Variants in TNRC18 observed in about 807,000 individuals in gnomAD.
TNRC18 encodes the protein trinucleotide repeat-containing gene 18 protein.
A neutral mutation model predicts 226.7 loss-of-function variants in TNRC18; 69 were observed. The ratio of observed to expected loss-of-function variants is 0.30; its 90% CI spans 0.25 to 0.37. The LOEUF (loss-of-function observed/expected upper bound fraction) is 0.37, where lower values mean the gene tolerates loss of function less well. Among genes scored for constraint, TNRC18 ranks in the 10% least tolerant of loss-of-function variants. The pLI is 1.00. For synonymous variants in TNRC18, 2,449 were observed against 1,927.6 expected, an observed-to-expected ratio of 1.27 and a Z score of -7.09; for missense variants, 4,754 against 4,256.6, an observed-to-expected ratio of 1.12 and a Z score of -3.25.
chr7:5,378,640 G>C (rs1045260612), intron 5 of TNRC18, among the ~76,000 whole-genome samples: 3 of 151,690 alleles, frequency 2.0e-5, no homozygotes, highest in East Asian at 2.0e-4. Flanking sequence ...GGATGGTCTC[G>C]ATCTCCTGAC....
chr7:5,331,883 C>A (rs1789559794), intron 19 of TNRC18, among the ~76,000 whole-genome samples: 1 of 152,134 alleles, frequency 6.6e-6, no homozygotes, highest in African/African-American at 2.4e-5. Flanking sequence ...GCACTCCAGC[C>A]TGGGTGACAG....
At chr7:5,398,394 T>C (rs1014440402) in intron 2 of TNRC18, among the ~76,000 whole-genome samples, 1 of 152,144 alleles carries the variant, frequency 6.6e-6, no homozygotes, top group Non-Finnish European at 1.5e-5. Flanking sequence ...GGTCTCGAAC[T>C]CCCAACCTCA....
rs1348072817 is a variant in TNRC18 at position 5,387,946 on chromosome 7, G to T, written c.1878C>A (p.Thr626=). ...LGTMKPEPAP[T]SAGASRAQAR... Reference sequence around the variant, plus strand: ...CCTGGGCTCGGGAGGCACCCGCAGAGGTGGGCGCAGGCTCGGGTTTCATGG... The same window carrying T: ...CCTGGGCTCGGGAGGCACCCGCAGATGTGGGCGCAGGCTCGGGTTTCATGG... Residue 626 remains threonine, a synonymous_variant, in exon 5 of 30, where the codon ACC becomes ACA. Coordinates refer to ENST00000430969, the MANE Select transcript of TNRC18 (RefSeq NM_001080495.3). The T allele has an allele frequency of 1.3e-6, 2 of 1,598,260 alleles. No individual in the cohort carries two copies. The highest frequency in any genetic ancestry group is 3.5e-5 in the Admixed American group (2 of 57,796).
In TNRC18 at chr7:5,313,818, G is replaced by A; in HGVS notation, c.7073C>T (p.Pro2358Leu). The A allele has an allele frequency of 1.3e-6, 2 of 1,512,948 alleles. No individual in the cohort carries two copies. The highest frequency in any genetic ancestry group is 1.3e-5 in the South Asian group (1 of 75,190). 93.7% of individuals were successfully genotyped at this position (1,512,948 alleles called of 1,614,324 possible). Residue 2358 changes from proline (P) to leucine (L), a missense_variant, in exon 27 of 30, where the codon CCC becomes CTC. By Grantham distance (98) the Pro-to-Leu change is moderately conservative (BLOSUM62 -3). Coordinates refer to ENST00000430969, the MANE Select transcript of TNRC18 (RefSeq NM_001080495.3). ...LEEGNPTDEV[P>L]STPLALEPSS... ...CGGCTCCAGGGCTAAGGGGGTACTG[G>A]GGACCTCGTCTGTTGGGTTCCCCTC...
At position 5,371,080 on chromosome 7, in the gene TNRC18, G is replaced by A. The variant is rs756920197; in HGVS notation, c.3514C>T (p.Leu1172=). 2.5e-6 allele frequency: 4 copies of A among 1,611,794 alleles called. No individual in the cohort carries two copies. In the Admixed American group the frequency reaches 5.0e-5, roughly 20 times the overall value. The part of the protein sequence containing the change: ...VEDMDEGPTE[L]PPLESPLPLP... ...GGCAGCGGCGACTCCAGAGGCGGCAGCTCTGTGGGGCCCTCGTCCATGTCC... is the reference window on the plus strand; with the variant it reads ...GGCAGCGGCGACTCCAGAGGCGGCAACTCTGTGGGGCCCTCGTCCATGTCC... Residue 1172 remains leucine, a synonymous_variant, in exon 11 of 30, where the codon CTG becomes TTG. Transcript: ENST00000430969.
In TNRC18 at chr7:5,389,104, G is replaced by A. The variant is rs1215787075; in HGVS notation, c.720C>T (p.Asp240=). ...EEASGPRGVV[D]LTQEARAEGR... Reference sequence around the variant, plus strand: ...CCTCGGCGCGCGCCTCCTGGGTCAGGTCCACCACGCCCCGTGGCCCCGAGG... The same window carrying A: ...CCTCGGCGCGCGCCTCCTGGGTCAGATCCACCACGCCCCGTGGCCCCGAGG... Residue 240 remains aspartate, a synonymous_variant, in exon 5 of 30, where the codon GAC becomes GAT. Coordinates refer to ENST00000430969, the MANE Select transcript of TNRC18 (RefSeq NM_001080495.3). The A allele has an allele frequency of 1.5e-6, 2 of 1,311,796 alleles. No individual in the cohort carries two copies. The highest frequency in any genetic ancestry group is 7.5e-5 in the East Asian group (2 of 26,814). 81.3% of individuals were successfully genotyped at this position (1,311,796 alleles called of 1,614,324 possible).
chr7:5,319,583 A>T (rs1428644554), intron 24 of TNRC18, among the ~76,000 whole-genome samples: 1 of 152,078 alleles, frequency 6.6e-6, no homozygotes, highest in African/African-American at 2.4e-5. Context: ...ATCCTGGCTC[A>T]CTGCAACCTC....
chr7:5,308,837 T>TTGC, intron 29 of TNRC18, 38 bp downstream of exon 29: 2 of 834,152 alleles, frequency 2.4e-6, no homozygotes, highest in African/African-American at 1.7e-5. Flanking sequence ...GAAGCAGCCA[T>TTGC]CCCCAACCCG....
At chr7:5,353,518 C>G (rs78536615) in intron 16 of TNRC18, among the ~76,000 whole-genome samples, 23,688 of 147,960 alleles carry the variant, frequency 0.16, 2,080 homozygotes, top group African/African-American at 0.21. Context: ...CGAGATCACA[C>G]CACTGCACTC....
At chr7:5,421,037 C>T in intron 2 of TNRC18, 23 bp downstream of exon 2, 1 of 1,532,912 alleles carries the variant, frequency 6.5e-7, no homozygotes, top group South Asian at 1.2e-5. Flanking sequence ...CAGGAGGGGA[C>T]GGGCACGGCG....
chr7:5,340,592 A>T (rs966192614), intron 18 of TNRC18, among the ~76,000 whole-genome samples: 2 of 151,896 alleles, frequency 1.3e-5, no homozygotes, highest in Non-Finnish European at 2.9e-5. Flanking sequence ...AAAACACAAA[A>T]ATTAGCCAGG....
intron 16 of TNRC18, 41 bp downstream of exon 16, chr7:5,356,875 A>G: frequency 6.7e-7 from 1 of 1,481,744 alleles, no homozygotes; most frequent in Non-Finnish European, 9.0e-7. Context: ...AGAAAAGGAG[A>G]GAAGCAGCGG....
chr7:5,338,057 T>C (rs935038420), intron 18 of TNRC18, among the ~76,000 whole-genome samples: 2 of 152,174 alleles, frequency 1.3e-5, no homozygotes, highest in African/African-American at 4.8e-5. Context: ...AAGTATTACA[T>C]ATAATATAAA....
intron 17 of TNRC18, among the ~76,000 whole-genome samples, chr7:5,348,777 G>GGGCA (rs1242720685): frequency 1.3e-5 from 2 of 152,134 alleles, no homozygotes; most frequent in East Asian, 1.9e-4. Context: ...AGGCAGGCGG[G>GGGCA]GGCAGGCAGG....
At chr7:5,349,680 C>A (rs1044795228) in intron 17 of TNRC18, among the ~76,000 whole-genome samples, 1 of 152,218 alleles carries the variant, frequency 6.6e-6, no homozygotes, top group African/African-American at 2.4e-5. Context: ...CGCTTTGCGT[C>A]CAGAGTGCAG....
intron 4 of TNRC18, chr7:5,389,689 A>C (rs1467557236): frequency 6.1e-6 from 1 of 163,790 alleles, no homozygotes; most frequent in African/African-American, 2.4e-5. Context: ...TCTTGACCTC[A>C]GGTGATCCAC....
At chr7:5,352,357 G>A (rs1314120385) in intron 16 of TNRC18, among the ~76,000 whole-genome samples, 4 of 151,264 alleles carry the variant, frequency 2.6e-5, no homozygotes, top group African/African-American at 9.8e-5. Flanking sequence ...ACTGGATGCT[G>A]CCAGCCTCAC....
intron 2 of TNRC18, among the ~76,000 whole-genome samples, chr7:5,415,605 T>C (rs1400071725): frequency 6.6e-6 from 1 of 150,546 alleles, no homozygotes; most frequent in African/African-American, 2.4e-5. Flanking sequence ...GGTCTCGAAC[T>C]CCTGACCTCA....
rs181480720 is a variant in TNRC18 at position 5,392,438 on chromosome 7, G to A, written c.344-1810C>T. On this transcript the variant is annotated intron_variant, in intron 3 of 29. Transcript: ENST00000430969. ...AGATCAGCCTGACCAACATGGTAAA[G>A]CCCTGTCTGTACTAAAAATACAAAA... is the stretch of plus-strand genomic sequence containing the variant. Among the ~76,000 whole-genome samples, 333 of 151,976 alleles carry A rather than the reference G, an allele frequency of 2.2e-3. 2 individuals are homozygous for A. Among genetic ancestry groups the A allele is most frequent in the African/African-American group, 7.7e-3 (319 of 41,456 alleles).
Sources: gnomAD v4.1 joint callset for allele counts (sites outside exome capture counted in the v4.1 genomes callset) on GRCh38, gnomAD v4.1.1 for gene constraint, MANE v1.5 for transcripts, NCBI Gene and HGNC (gene_info 2026-07-23, HGNC 2026-07-21) for gene names.